Variants in VWC2L observed in about 807,000 individuals in gnomAD.
The protein encoded by VWC2L is von Willebrand factor C domain-containing protein 2-like.
A neutral mutation model predicts 21.6 loss-of-function variants in VWC2L; 10 were observed. That is an observed-to-expected ratio of 0.46 (90% CI 0.29 to 0.78). The LOEUF (loss-of-function observed/expected upper bound fraction) is 0.78, where lower values mean the gene tolerates loss of function less well. Among genes scored for constraint, VWC2L ranks in the 30% least tolerant of loss-of-function variants. VWC2L has a pLI of 0.10. For synonymous variants in VWC2L, 96 were observed against 94.3 expected (o/e 1.02, Z -0.10); for missense variants, 209 against 277.1 (o/e 0.75, Z 1.74).
At chr2:214,538,318 G>C (rs1689568793) in intron 3 of VWC2L, among the ~76,000 whole-genome samples, 1 of 152,008 alleles carries the variant, frequency 6.6e-6, no homozygotes, top group Middle Eastern at 3.2e-3. Context: ...CACACTATAG[G>C]TGAGCACAGT....
chr2:214,450,334 G>C (rs1472202086), intron 3 of VWC2L, among the ~76,000 whole-genome samples: 3 of 152,296 alleles, frequency 2.0e-5, no homozygotes, highest in African/African-American at 7.2e-5. Context: ...TGTCATCAGA[G>C]AGGGACAGAA....
chr2:214,462,298 CCA>C (rs1703155444), intron 3 of VWC2L, among the ~76,000 whole-genome samples: 1 of 152,188 alleles, frequency 6.6e-6, no homozygotes, highest in African/African-American at 2.4e-5. Context: ...GGAATGTGGG[CCA>C]CTTGGGATCT....
chr2:214,562,929 T>C (rs1179443694), intron 3 of VWC2L, among the ~76,000 whole-genome samples: 1 of 152,252 alleles, frequency 6.6e-6, no homozygotes, highest in Non-Finnish European at 1.5e-5. Context: ...GCTCTGATGA[T>C]AGTTTTGCTG....
intron 2 of VWC2L, among the ~76,000 whole-genome samples, chr2:214,433,334 G>A (rs1702632454): frequency 6.6e-6 from 1 of 151,760 alleles, no homozygotes; most frequent in African/African-American, 2.4e-5. Context: ...GAGTTTTCTT[G>A]TATAAAATTT....
chr2:214,436,002 C>T (rs1160962294), intron 2 of VWC2L, among the ~76,000 whole-genome samples: 2 of 151,550 alleles, frequency 1.3e-5, no homozygotes, highest in Non-Finnish European at 2.9e-5. Flanking sequence ...TTAGGCCAGT[C>T]GATTTGTTCA....
At position 214,544,678 on chromosome 2, in the gene VWC2L, T is replaced by G. The variant is rs182599665; in HGVS notation, c.521-30994T>G. The stretch of plus-strand genomic sequence containing the variant: ...AGCCTTGGGAAAGTCTCTTCCCCCC[T>G]CTGAGTTCCAATTTGTTTTCTATAA... On this transcript the variant is annotated intron_variant, in intron 3 of 3. Coordinates refer to ENST00000312504, the MANE Select transcript of VWC2L (RefSeq NM_001080500.4). Among the ~76,000 whole-genome samples, 135 of 152,252 alleles carry G rather than the reference T, an allele frequency of 8.9e-4. 1 individual carries two copies. Among genetic ancestry groups the G allele is most frequent in the Non-Finnish European group, 1.6e-3 (106 of 68,014 alleles).
At chr2:214,504,277 A>G (rs1688937227) in intron 3 of VWC2L, among the ~76,000 whole-genome samples, 1 of 152,220 alleles carries the variant, frequency 6.6e-6, no homozygotes, top group African/African-American at 2.4e-5. Flanking sequence ...TTTGGTTGGA[A>G]TGAGTGATGT....
In VWC2L at chr2:214,552,926, C is replaced by T. The variant is rs554100743; in HGVS notation, c.521-22746C>T. The stretch of plus-strand genomic sequence containing the variant: ...CTAGACTTTTCTCCTAAGCTTTCCT[C>T]TTTTATATTTCTCTTCTCAAAAGAT... On this transcript the variant is annotated intron_variant, in intron 3 of 3. Coordinates refer to ENST00000312504, the MANE Select transcript of VWC2L (RefSeq NM_001080500.4). Among the ~76,000 whole-genome samples the T allele has an allele frequency of 3.3e-5, 5 of 152,294 alleles. No homozygotes were observed. The East Asian group carries it at 7.7e-4, about 24-fold the overall frequency.
chr2:214,559,794 G>C (rs1312301301), intron 3 of VWC2L, among the ~76,000 whole-genome samples: 1 of 151,996 alleles, frequency 6.6e-6, no homozygotes, highest in Non-Finnish European at 1.5e-5. Context: ...TAGAGACAAG[G>C]TCTAGTATGT....
chr2:214,528,953 T>C (rs747611209), intron 3 of VWC2L, among the ~76,000 whole-genome samples: 25 of 152,220 alleles, frequency 1.6e-4, no homozygotes, highest in Non-Finnish European at 3.4e-4. Flanking sequence ...GTTGCCATTA[T>C]GCAATTATTT....
intron 3 of VWC2L, chr2:214,510,110 C>T (rs950234407): frequency 2.0e-5 from 3 of 152,078 alleles, no homozygotes; most frequent in Non-Finnish European, 4.4e-5. Flanking sequence ...AAATTAAATC[C>T]CAAGCTTCAT....
At chr2:214,509,509 A>T (rs1470432306) in intron 3 of VWC2L, among the ~76,000 whole-genome samples, 1 of 151,564 alleles carries the variant, frequency 6.6e-6, no homozygotes, top group Non-Finnish European at 1.5e-5. Context: ...ACTGCCTGGG[A>T]GGTGGAAGCC....
intron 2 of VWC2L, among the ~76,000 whole-genome samples, chr2:214,423,897 T>C (rs760576125): frequency 7.2e-5 from 11 of 152,150 alleles, no homozygotes; most frequent in African/African-American, 9.6e-5. Flanking sequence ...TTTTAGAAAA[T>C]GAGGACCCAT....
chr2:214,559,267 G>T (rs1384114077), intron 3 of VWC2L, among the ~76,000 whole-genome samples: 2 of 152,206 alleles, frequency 1.3e-5, no homozygotes, highest in East Asian at 3.9e-4. Flanking sequence ...TCAGAGAAAT[G>T]CAAATCAAAA....
At chr2:214,511,338 G>T (rs1045818925) in intron 3 of VWC2L, among the ~76,000 whole-genome samples, 5 of 152,080 alleles carry the variant, frequency 3.3e-5, no homozygotes, top group African/African-American at 9.7e-5. Context: ...ACTAAATTGT[G>T]GTCCCCCCTC....
At chr2:214,573,250 CACACACAT>C (rs1427616135) in intron 3 of VWC2L, among the ~76,000 whole-genome samples, 1 of 152,258 alleles carries the variant, frequency 6.6e-6, no homozygotes, top group South Asian at 2.1e-4. Flanking sequence ...CATACACACA[CACACACAT>C]ACACACATAC....
rs530120887 is a variant in VWC2L, at chr2:214,534,100, C to T, written c.521-41572C>T. ...TTTCACAGAAGGGACATACATAGGG[C>T]CAAATTGGACCCTCCGATTCACACC... On this transcript the variant is annotated intron_variant, in intron 3 of 3. Coordinates refer to ENST00000312504, the MANE Select transcript of VWC2L (RefSeq NM_001080500.4). 4 of 152,538 alleles carry T rather than the reference C, an allele frequency of 2.6e-5. No homozygotes were observed. In the East Asian group the frequency reaches 7.8e-4, roughly 30 times the overall value. 9.4% of individuals were successfully genotyped at this position (152,538 alleles called of 1,614,324 possible). A position where few individuals can be genotyped will look rare whatever the true frequency, so the allele number is the denominator to read the frequency against.
chr2:214,442,113 T>C (rs933839125), intron 3 of VWC2L, among the ~76,000 whole-genome samples: 3 of 152,248 alleles, frequency 2.0e-5, no homozygotes, highest in Middle Eastern at 6.8e-3. Flanking sequence ...GGTTTCACTG[T>C]GTTGGCCAGA....
chr2:214,530,419 T>G (rs1351828988), intron 3 of VWC2L, among the ~76,000 whole-genome samples: 1 of 152,224 alleles, frequency 6.6e-6, no homozygotes, highest in East Asian at 1.9e-4. Flanking sequence ...TTGATCCCCA[T>G]TTAGTCATTT....
Sources: gnomAD v4.1 joint callset for allele counts (sites outside exome capture counted in the v4.1 genomes callset) on GRCh38, gnomAD v4.1.1 for gene constraint, MANE v1.5 for transcripts, NCBI Gene and HGNC (gene_info 2026-07-23, HGNC 2026-07-21) for gene names.